The following LPP variants were observed in gnomAD, a reference collection of about 807,000 sequenced individuals.
The protein encoded by LPP is LIM domain containing preferred translocation partner in lipoma.
A neutral mutation model predicts 60.4 loss-of-function variants in LPP; 38 were observed. The ratio of observed to expected loss-of-function variants is 0.63; its 90% CI spans 0.49 to 0.83. LPP has a LOEUF of 0.83. Among genes scored for constraint, LPP ranks in the 40% least tolerant of loss-of-function variants. The pLI, the probability that LPP is intolerant of heterozygous loss-of-function variation, is 0.00. For synonymous variants in LPP, 328 were observed against 290.8 expected (o/e 1.13, Z -1.30); for missense variants, 902 against 783.6 (o/e 1.15, Z -1.80).
chr3:188,480,204 A>C (rs1363521106), intron 4 of LPP, among the ~76,000 whole-genome samples: 2 of 152,240 alleles, frequency 1.3e-5, no homozygotes, highest in Non-Finnish European at 2.9e-5. Flanking sequence ...CAATATGCCT[A>C]ACAGGCTGTT....
At chr3:188,232,498 C>A (rs1720388413) in intron 2 of LPP, among the ~76,000 whole-genome samples, 1 of 143,804 alleles carries the variant, frequency 7.0e-6, no homozygotes, top group Non-Finnish European at 1.5e-5. Flanking sequence ...GCCATCACAC[C>A]CGGCTATTTT....
intron 5 of LPP, among the ~76,000 whole-genome samples, chr3:188,509,873 G>GTTTTTTTTTTTTTTTTTTTTTTT (rs35389820): frequency 1.8e-5 from 2 of 111,044 alleles, no homozygotes; most frequent in Non-Finnish European, 3.4e-5. Context: ...TTTTTTTGTT[G>GTTTTTTTTTTTTTTTTTTTTTTT]TTTTTTTTTT....
chr3:188,254,121 T>G (rs1399335180), intron 2 of LPP, among the ~76,000 whole-genome samples: 2 of 152,224 alleles, frequency 1.3e-5, no homozygotes, highest in African/African-American at 4.8e-5. Context: ...TTTTAATGAC[T>G]ACACATTAAA....
chr3:188,386,260 GCGCGCA>G (rs71167097), intron 3 of LPP, among the ~76,000 whole-genome samples: 23,701 of 96,534 alleles, frequency 0.25, 2,303 homozygotes, highest in East Asian at 0.42. Context: ...GTCATAGCAT[GCGCGCA>G]CACACACACA....
At position 188,609,215 on chromosome 3, in the gene LPP, A is replaced by G. The variant is rs1843129969; in HGVS notation, c.484A>G (p.Lys162Glu). ...PPVSTPVTGHKRMVIPNQPPL... is the reference protein window; with the variant it reads ...PPVSTPVTGHERMVIPNQPPL... ...AGTTTCGACCCCAGTCACAGGACAC[A>G]AGAGAATGGTCATCCCGAACCAACC... Residue 162 changes from lysine (K) to glutamate (E), a missense_variant, in exon 7 of 12, where the codon AAG (lysine) becomes GAG (glutamate). Physicochemically the swap from Lys to Glu is moderately conservative, Grantham distance 56. Coordinates refer to ENST00000617246, the MANE Select transcript of LPP (RefSeq NM_001375462.1). The surrounding 1 kb of genome is among the most constrained non-coding windows in gnomAD (Gnocchi z 6.9). The G allele has an allele frequency of 6.2e-7, 1 of 1,613,790 alleles. No individual in the cohort carries two copies. The highest frequency in any genetic ancestry group is 8.5e-7 in the Non-Finnish European group (1 of 1,179,958).
chr3:188,695,724 C>T (rs1250434263), intron 7 of LPP, among the ~76,000 whole-genome samples: 1 of 152,228 alleles, frequency 6.6e-6, no homozygotes, highest in Admixed American at 6.5e-5. Flanking sequence ...CTGAAGCCCA[C>T]GCTTTCTCCA....
At chr3:188,850,063 A>T (rs533629175) in intron 9 of LPP, among the ~76,000 whole-genome samples, 1 of 152,222 alleles carries the variant, frequency 6.6e-6, no homozygotes. Flanking sequence ...AGAGATAATG[A>T]TTAAACAGGC....
In LPP at chr3:188,509,687, T is replaced by TTCCTTCC. The variant is rs757666151; in HGVS notation, c.307-14978_307-14977insTCCTTCC. 3.2e-3 allele frequency among the ~76,000 whole-genome samples: 279 copies of TTCCTTCC among 87,356 alleles called. 22 individuals are homozygous for TTCCTTCC. Among genetic ancestry groups the TTCCTTCC allele is most frequent in the Non-Finnish European group, 5.3e-3 (228 of 42,676 alleles). The allele number at this position is 87,356 out of a possible 152,430, so 57.3% of individuals were successfully genotyped here. On this transcript the variant is annotated intron_variant, in intron 5 of 11. Coordinates refer to ENST00000617246, the MANE Select transcript of LPP (RefSeq NM_001375462.1). The stretch of plus-strand genomic sequence containing the variant: ...CTTCCTTCCTTCCTTCCTTCCTTCC[T>TTCCTTCC]CTCTCTCTCTCTTTTCTTTTTTTTT...
At chr3:188,546,660 T>G (rs1277954523) in intron 6 of LPP, among the ~76,000 whole-genome samples, 1 of 152,174 alleles carries the variant, frequency 6.6e-6, no homozygotes, top group Non-Finnish European at 1.5e-5. Context: ...GGGGCCAATA[T>G]TTGAAGACTA....
rs1177409798 is a variant in LPP at position 188,613,294 on chromosome 3, ATATCTATATCTATATC to A, written c.1113+3454_1113+3469del. On this transcript the variant is annotated intron_variant, in intron 7 of 11. Transcript: ENST00000617246. ...TATATCTATATCTATATCTATATCTATATCTATATCTATATCTATATATATCGCTGTGAGTTGGGAG... is the reference window on the plus strand; with the variant it reads ...TATATCTATATCTATATCTATATCTATATATATATCGCTGTGAGTTGGGAG... Among the ~76,000 whole-genome samples the A allele has an allele frequency of 1.6e-3, 223 of 141,836 alleles. 2 individuals are homozygous for A. The highest frequency in any genetic ancestry group is 5.3e-3 in the African/African-American group (197 of 37,318). The allele number at this position is 141,836 out of a possible 152,430, so 93.0% of individuals were successfully genotyped here. A position where few individuals can be genotyped will look rare whatever the true frequency, so the allele number is the denominator to read the frequency against.
intron 6 of LPP, among the ~76,000 whole-genome samples, chr3:188,528,555 A>G (rs1473509952): frequency 6.6e-6 from 1 of 152,166 alleles, no homozygotes; most frequent in African/African-American, 2.4e-5. Context: ...CTTTCTGAGC[A>G]CACAAATTCA....
chr3:188,809,985 G>T (rs1381113104), intron 9 of LPP, among the ~76,000 whole-genome samples: 6 of 152,070 alleles, frequency 3.9e-5, no homozygotes, highest in Non-Finnish European at 5.9e-5. Context: ...AAGATCAGAT[G>T]GTTGTAGATG....
chr3:188,602,221 C>T (rs1352247292), intron 6 of LPP, among the ~76,000 whole-genome samples: 1 of 121,180 alleles, frequency 8.3e-6, no homozygotes, highest in Admixed American at 7.7e-5. Flanking sequence ...TGTTTTCCAA[C>T]TCATGGGGTC....
chr3:188,238,094 C>G (rs1025760075), intron 2 of LPP, among the ~76,000 whole-genome samples: 3 of 152,190 alleles, frequency 2.0e-5, no homozygotes, highest in African/African-American at 4.8e-5. Context: ...TTTCCTTGCA[C>G]TTTTATGTTA....
chr3:188,780,888 G>A (rs1739425047), intron 9 of LPP, among the ~76,000 whole-genome samples: 1 of 152,232 alleles, frequency 6.6e-6, no homozygotes, highest in African/African-American at 2.4e-5. Context: ...GCTGATTCCA[G>A]TAATGGAGGA....
chr3:188,628,414 T>G (rs1237398886), intron 7 of LPP, among the ~76,000 whole-genome samples: 2 of 151,594 alleles, frequency 1.3e-5, no homozygotes, highest in East Asian at 3.9e-4. Flanking sequence ...TGACAAAGGG[T>G]ACATTACCAC....
At chr3:188,617,970 G>A (rs904683554) in intron 7 of LPP, among the ~76,000 whole-genome samples, 3 of 152,126 alleles carry the variant, frequency 2.0e-5, no homozygotes, top group African/African-American at 7.2e-5. Flanking sequence ...ATTTCAACAA[G>A]AGACTATGGT....
chr3:188,827,541 G>A (rs1430080613), intron 9 of LPP, among the ~76,000 whole-genome samples: 3 of 152,160 alleles, frequency 2.0e-5, no homozygotes, highest in Non-Finnish European at 4.4e-5. Flanking sequence ...TTAATGACTG[G>A]AGTTCAAACT....
intron 9 of LPP, among the ~76,000 whole-genome samples, chr3:188,839,705 T>G (rs1460654046): frequency 6.6e-6 from 1 of 151,656 alleles, no homozygotes; most frequent in Non-Finnish European, 1.5e-5. Context: ...AAACCTCATC[T>G]CTATTAAAAA....
Sources: allele counts gnomAD v4.1 joint callset (sites outside exome capture counted in the v4.1 genomes callset), GRCh38; gene constraint gnomAD v4.1.1; non-coding constraint Gnocchi (gnomAD v3.1); transcripts MANE v1.5; gene names NCBI Gene and HGNC (gene_info 2026-07-23, HGNC 2026-07-21).